Variants in ANO2 observed in about 807,000 individuals in gnomAD.
The protein encoded by ANO2 is anoctamin-2.
ANO2 carries 101 observed loss-of-function variants against 124.2 expected under a neutral mutation model. The observed-to-expected ratio is 0.81, with a 90% CI of 0.69 to 0.96. The LOEUF (loss-of-function observed/expected upper bound fraction) is 0.96. ANO2 is among the 40% of genes least tolerant of loss of function. The pLI, the probability that ANO2 is intolerant of heterozygous loss-of-function variation, is 0.00. For missense variants in ANO2, 1,293 were observed against 1,274.5 expected, an observed-to-expected ratio of 1.01 and a Z score of -0.22; for synonymous variants, 486 against 482.5, an observed-to-expected ratio of 1.01 and a Z score of -0.09.
chr12:5,806,198 T>C (rs1953186911), intron 8 of ANO2, 105 bp from the exon 9 acceptor site: 3 of 1,192,638 alleles, frequency 2.5e-6, no homozygotes, highest in Non-Finnish European at 3.5e-6. Flanking sequence ...TTGCTTTTTT[T>C]TCATTCCCAT....
intron 23 of ANO2, among the ~76,000 whole-genome samples, chr12:5,575,106 C>G (rs1366034778): frequency 1.3e-5 from 2 of 152,166 alleles, no homozygotes; most frequent in African/African-American, 4.8e-5. Flanking sequence ...CACCTAGCTG[C>G]CCCTCCAGGA....
intron 14 of ANO2, among the ~76,000 whole-genome samples, chr12:5,652,393 G>T (rs939340270): frequency 6.6e-6 from 1 of 152,024 alleles, no homozygotes; most frequent in Non-Finnish European, 1.5e-5. Context: ...ATATTGTACA[G>T]TATTATTAAA....
intron 3 of ANO2, among the ~76,000 whole-genome samples, chr12:5,892,557 C>T (rs149929743): frequency 1.5e-3 from 221 of 152,186 alleles, no homozygotes; most frequent in African/African-American, 4.2e-3. Context: ...GCATTACTTA[C>T]AGGAAAATAG....
chr12:5,812,645 G>C (rs1953452716), intron 7 of ANO2, among the ~76,000 whole-genome samples: 1 of 148,854 alleles, frequency 6.7e-6, no homozygotes, highest in Admixed American at 6.7e-5. Context: ...AGGAAGGGAA[G>C]GAGGAAGGGA....
chr12:5,803,342 T>C (rs1448897336), intron 9 of ANO2, among the ~76,000 whole-genome samples: 4 of 152,198 alleles, frequency 2.6e-5, no homozygotes, highest in Admixed American at 2.6e-4. Context: ...AGTGCCTTTC[T>C]TGTGAGGAAG....
At chr12:5,580,950 C>T (rs1942720725) in intron 20 of ANO2, among the ~76,000 whole-genome samples, 2 of 152,310 alleles carry the variant, frequency 1.3e-5, no homozygotes, top group South Asian at 4.1e-4. Flanking sequence ...ACCTGACTAG[C>T]TGGCTGGCCA....
intron 10 of ANO2, among the ~76,000 whole-genome samples, chr12:5,754,364 TTGACC>T (rs749539157): frequency 1.1e-4 from 17 of 152,358 alleles, no homozygotes; most frequent in African/African-American, 4.1e-4. Context: ...ATCAGGGATG[TTGACC>T]TATAGTTCTC....
chr12:5,751,083 T>A (rs879593058), intron 10 of ANO2, 113 bp from the exon 11 acceptor site: 23 of 1,087,486 alleles, frequency 2.1e-5, no homozygotes, highest in Non-Finnish European at 2.6e-5. Flanking sequence ...ATTCCTCTTG[T>A]GACGAAAACA....
chr12:5,655,152 T>C (rs573942047), intron 14 of ANO2, among the ~76,000 whole-genome samples: 1 of 152,178 alleles, frequency 6.6e-6, no homozygotes, highest in African/African-American at 2.4e-5. Context: ...AAAAAAAAAC[T>C]CAAGATCATC....
intron 9 of ANO2, among the ~76,000 whole-genome samples, chr12:5,803,246 C>T (rs568716277): frequency 1.3e-5 from 2 of 152,312 alleles, no homozygotes; most frequent in African/African-American, 4.8e-5. Context: ...AGTAACCCCA[C>T]CTCTCTAGGT....
intron 9 of ANO2, among the ~76,000 whole-genome samples, 159 bp downstream of exon 9, chr12:5,805,893 A>C (rs1758115932): frequency 6.6e-6 from 1 of 152,164 alleles, no homozygotes; most frequent in Non-Finnish European, 1.5e-5. Context: ...CCACCCTCAC[A>C]TTTCCAAATA....
chr12:5,816,878 C>T (rs1351307909), intron 7 of ANO2, among the ~76,000 whole-genome samples: 1 of 152,130 alleles, frequency 6.6e-6, no homozygotes, highest in Admixed American at 6.5e-5. Context: ...ACTAAGAGCC[C>T]CTCAAGGGTA....
At chr12:5,689,706 G>A (rs188984269) in intron 14 of ANO2, among the ~76,000 whole-genome samples, 1 of 152,270 alleles carries the variant, frequency 6.6e-6, no homozygotes, top group East Asian at 1.9e-4. Flanking sequence ...TGTAGGGGAA[G>A]CCTACAGCAC....
intron 10 of ANO2, among the ~76,000 whole-genome samples, chr12:5,760,434 C>A (rs1042248600): frequency 1.3e-5 from 2 of 152,138 alleles, no homozygotes; most frequent in Non-Finnish European, 2.9e-5. Flanking sequence ...TGAATAGAAT[C>A]TTATTTCAAC....
chr12:5,705,577 T>C (rs1410167863), intron 14 of ANO2, among the ~76,000 whole-genome samples: 1 of 152,232 alleles, frequency 6.6e-6, no homozygotes, highest in Non-Finnish European at 1.5e-5. Context: ...TCTGGGTACC[T>C]CAATGCATGC....
At chr12:5,709,491 A>G (rs1032203555) in intron 14 of ANO2, among the ~76,000 whole-genome samples, 17 of 152,016 alleles carry the variant, frequency 1.1e-4, no homozygotes, top group Non-Finnish European at 1.0e-4. Flanking sequence ...CTTAAACCTC[A>G]TCTCTACTAC....
Position 5,803,214 on chromosome 12 carries a change from G to C in ANO2, c.990+2838C>G, listed in dbSNP as rs149500435. Among the ~76,000 whole-genome samples the C allele has an allele frequency of 6.3e-3, 963 of 152,272 alleles. 10 individuals carry two copies. Among genetic ancestry groups the C allele is most frequent in the Middle Eastern group, 0.027 (8 of 294 alleles). ...AGCTTCTGCTCCCAGATGCCACACT[G>C]ACCTATTCGAACATTTTAGCCAGTA... is the stretch of plus-strand genomic sequence containing the variant. On this transcript the variant is annotated intron_variant, in intron 9 of 24. Transcript: ENST00000682330.
chr12:5,850,066 T>C (rs1049585329), intron 4 of ANO2, among the ~76,000 whole-genome samples: 4 of 152,078 alleles, frequency 2.6e-5, no homozygotes, highest in Non-Finnish European at 5.9e-5. Flanking sequence ...TCCCCCCTCA[T>C]CTGTGTATAA....
At chr12:5,780,135 T>C (rs1002803527) in intron 10 of ANO2, among the ~76,000 whole-genome samples, 3 of 152,224 alleles carry the variant, frequency 2.0e-5, no homozygotes, top group African/African-American at 7.2e-5. Context: ...TGGCATGATG[T>C]CTGCCACATA....
Sources: gnomAD v4.1 joint callset for allele counts (sites outside exome capture counted in the v4.1 genomes callset) on GRCh38, gnomAD v4.1.1 for gene constraint, MANE v1.5 for transcripts, NCBI Gene and HGNC (gene_info 2026-07-23, HGNC 2026-07-21) for gene names.